ATXN1: variants seen among roughly 807,000 people sequenced by gnomAD.
ATXN1 encodes the protein ataxin 1, also known as ataxin-1.
ATXN1 carries 8 observed loss-of-function variants against 56.4 expected under a neutral mutation model. The observed-to-expected ratio is 0.14, with a 90% CI of 0.08 to 0.26. The LOEUF is 0.26. Ranked by LOEUF, ATXN1 falls within the 10% of genes least tolerant of loss-of-function variation. ATXN1 has a pLI of 1.00. For missense variants in ATXN1, 987 were observed against 1,106.5 expected (o/e 0.89, Z 1.53); for synonymous variants, 514 against 494.6 (o/e 1.04, Z -0.52).
chr6:16,461,718 A>G (rs1220799633), intron 6 of ATXN1, among the ~76,000 whole-genome samples: 2 of 152,142 alleles, frequency 1.3e-5, no homozygotes, highest in African/African-American at 2.4e-5. Flanking sequence ...CAAAACGACA[A>G]TGGTCCGGCT....
At chr6:16,371,800 A>C (rs1762047797) in intron 6 of ATXN1, among the ~76,000 whole-genome samples, 1 of 151,966 alleles carries the variant, frequency 6.6e-6, no homozygotes, top group African/African-American at 2.4e-5. Flanking sequence ...GCTGGTCTCA[A>C]AATCCTGGGC....
At position 16,538,662 on chromosome 6, in the gene ATXN1, T is replaced by G. The variant is rs372123492; in HGVS notation, c.-360-15974A>C. On this transcript the variant is annotated intron_variant, in intron 4 of 7. Coordinates refer to ENST00000436367, the MANE Select transcript of ATXN1 (RefSeq NM_001128164.2). ...GTGTTCTCATTGTTCAATTCCCACC[T>G]ATGAGTGAGAACATGGGGTGTTTGG... Among the ~76,000 whole-genome samples, 121 of 144,468 alleles carry G rather than the reference T, an allele frequency of 8.4e-4. 2 individuals carry two copies. The East Asian group carries it at 0.025, about 30-fold the overall frequency. The allele number at this position is 144,468 out of a possible 152,430, so 94.8% of individuals were successfully genotyped here. A position where few individuals can be genotyped will look rare whatever the true frequency, so the allele number is the denominator to read the frequency against.
intron 7 of ATXN1, among the ~76,000 whole-genome samples, chr6:16,322,707 A>C (rs992643635): frequency 1.3e-5 from 2 of 152,048 alleles, no homozygotes; most frequent in African/African-American, 4.8e-5. Flanking sequence ...AACCTCAATT[A>C]AGTCCAGATA....
chr6:16,706,029 T>A (rs1207661903), intron 2 of ATXN1, among the ~76,000 whole-genome samples: 1 of 152,132 alleles, frequency 6.6e-6, no homozygotes, highest in Non-Finnish European at 1.5e-5. Flanking sequence ...GTGTCAGGCC[T>A]GCCTCACTAT....
chr6:16,308,136 G>A (rs1760298437), intron 7 of ATXN1, among the ~76,000 whole-genome samples: 1 of 151,934 alleles, frequency 6.6e-6, no homozygotes, highest in Non-Finnish European at 1.5e-5. Flanking sequence ...GACCAGCCTG[G>A]CCAGCATGGT....
intron 2 of ATXN1, among the ~76,000 whole-genome samples, chr6:16,705,639 A>C (rs1759391224): frequency 6.6e-6 from 1 of 152,240 alleles, no homozygotes; most frequent in East Asian, 1.9e-4. Flanking sequence ...CAATCTGCTC[A>C]TTCTTTCCAT....
chr6:16,600,974 A>G (rs571573456), intron 3 of ATXN1, among the ~76,000 whole-genome samples: 1 of 152,324 alleles, frequency 6.6e-6, no homozygotes, highest in South Asian at 2.1e-4. Context: ...GTGTACTCTC[A>G]ATACAATTTG....
chr6:16,734,667 G>A (rs1346199342), intron 2 of ATXN1, among the ~76,000 whole-genome samples: 2 of 152,082 alleles, frequency 1.3e-5, no homozygotes, highest in African/African-American at 4.8e-5. Context: ...GCTAATTTTT[G>A]TATTTTAGTA....
At chr6:16,418,073 C>T (rs774652113) in intron 6 of ATXN1, among the ~76,000 whole-genome samples, 8 of 152,152 alleles carry the variant, frequency 5.3e-5, no homozygotes, top group Admixed American at 1.3e-4. Context: ...ATGGTCCCAA[C>T]GCTCTGGTGT....
At chr6:16,451,364 C>T (rs960192059) in intron 6 of ATXN1, among the ~76,000 whole-genome samples, 1 of 152,210 alleles carries the variant, frequency 6.6e-6, no homozygotes, top group African/African-American at 2.4e-5. Flanking sequence ...ACTCAGGAGG[C>T]TGAGGCAGAA....
intron 6 of ATXN1, among the ~76,000 whole-genome samples, chr6:16,408,554 C>T (rs1758734162): frequency 6.6e-6 from 1 of 151,384 alleles, no homozygotes; most frequent in Non-Finnish European, 1.5e-5. Flanking sequence ...TCAGGCCTAT[C>T]ATCTGACAGG....
At chr6:16,640,608 G>A (rs534095373) in intron 3 of ATXN1, among the ~76,000 whole-genome samples, 2 of 151,690 alleles carry the variant, frequency 1.3e-5, no homozygotes, top group Non-Finnish European at 2.9e-5. Flanking sequence ...GCGTGAACCC[G>A]GGAGGCGGAG....
chr6:16,372,636 G>A (rs973655154), intron 6 of ATXN1, among the ~76,000 whole-genome samples: 8 of 152,190 alleles, frequency 5.3e-5, no homozygotes, highest in African/African-American at 1.4e-4. Context: ...ACTGTGGGCT[G>A]GGCACAGTGG....
At chr6:16,624,381 G>C (rs1392833137) in intron 3 of ATXN1, among the ~76,000 whole-genome samples, 1 of 151,626 alleles carries the variant, frequency 6.6e-6, no homozygotes, top group Non-Finnish European at 1.5e-5. Context: ...AAGAGTTCTG[G>C]AGATGGATGG....
chr6:16,671,172 T>C (rs1254046650), intron 2 of ATXN1, among the ~76,000 whole-genome samples: 1 of 152,232 alleles, frequency 6.6e-6, no homozygotes, highest in African/African-American at 2.4e-5. Flanking sequence ...CCAACAGGCT[T>C]ACTGAGTAGG....
chr6:16,760,614 G>A lies in ATXN1; in HGVS notation c.-730+684C>T, dbSNP rs955861037. ...CGCGCAAAGTCCCGTCCCGGCTGCA[G>A]GAGCAGTCCCTTCCCCGCCCGCAGC... On this transcript the variant is annotated intron_variant, in intron 1 of 7. Transcript: ENST00000436367. The surrounding 1 kb of genome is among the most constrained non-coding windows in gnomAD (Gnocchi z 5.3). Among the ~76,000 whole-genome samples, 23 of 150,256 alleles carry A rather than the reference G, an allele frequency of 1.5e-4. No individual in the cohort carries two copies. Among genetic ancestry groups the A allele is most frequent in the Non-Finnish European group, 3.0e-4 (20 of 67,414 alleles).
At chr6:16,431,021 A>G (rs1217805697) in intron 6 of ATXN1, among the ~76,000 whole-genome samples, 3 of 139,492 alleles carry the variant, frequency 2.2e-5, no homozygotes, top group Non-Finnish European at 4.6e-5. Context: ...TCATGTTTCT[A>G]TGACCTTCCT....
At chr6:16,352,702 A>G (rs1323433093) in intron 6 of ATXN1, among the ~76,000 whole-genome samples, 1 of 152,118 alleles carries the variant, frequency 6.6e-6, no homozygotes, top group Non-Finnish European at 1.5e-5. Context: ...TCCATGAGGA[A>G]TAGGTTCCAA....
intron 2 of ATXN1, among the ~76,000 whole-genome samples, chr6:16,679,276 GTGGATGGA>G (rs10701438): frequency 7.0e-4 from 97 of 138,302 alleles, no homozygotes; most frequent in Middle Eastern, 3.7e-3. Flanking sequence ...GAGTTAGTGG[GTGGATGGA>G]TGGATGGATG....
Sources: gnomAD v4.1 joint callset for allele counts (sites outside exome capture counted in the v4.1 genomes callset) on GRCh38, gnomAD v4.1.1 for gene constraint, Gnocchi (gnomAD v3.1) non-coding constraint, MANE v1.5 for transcripts, NCBI Gene and HGNC (gene_info 2026-07-23, HGNC 2026-07-21) for gene names.